Variants in CLIP3 observed in about 807,000 individuals in gnomAD.
The protein encoded by CLIP3 is CAP-Gly domain-containing linker protein 3.
In CLIP3, 15 loss-of-function variants were observed where a neutral mutation model predicts 59.4. That is an observed-to-expected ratio of 0.25 (90% CI 0.17 to 0.39). The LOEUF (loss-of-function observed/expected upper bound fraction) is 0.39. Ranked by LOEUF, CLIP3 falls within the 10% of genes least tolerant of loss-of-function variation. CLIP3 has a pLI of 1.00. For missense variants in CLIP3, 495 were observed against 765.7 expected (o/e 0.65, Z 4.17); for synonymous variants, 300 against 321.6 (o/e 0.93, Z 0.72).
chr19:36,030,995 CTT>C (rs1263492540), intron 2 of CLIP3, among the ~76,000 whole-genome samples: 3 of 113,342 alleles, frequency 2.6e-5, no homozygotes, highest in Non-Finnish European at 5.7e-5. Context: ...TTTCTTTTTT[CTT>C]TTTTTCTTTT....
intron 7 of CLIP3, among the ~76,000 whole-genome samples, chr19:36,020,979 G>A (rs893412628): frequency 2.6e-5 from 4 of 151,814 alleles, no homozygotes; most frequent in South Asian, 2.1e-4. Flanking sequence ...TCAGTCTCCC[G>A]AGTAGCTGGG....
At chr19:36,029,421 G>A (rs967323474) in intron 2 of CLIP3, among the ~76,000 whole-genome samples, 3 of 151,374 alleles carry the variant, frequency 2.0e-5, no homozygotes, top group Non-Finnish European at 4.4e-5. Flanking sequence ...CTGGTAGCTA[G>A]GACTACAGTA....
Position 36,015,871 on chromosome 19 carries a change from G to A in CLIP3, c.*287C>T, listed in dbSNP as rs186051220. On this transcript the variant is annotated 3_prime_UTR_variant, in exon 14 of 14. Coordinates refer to ENST00000360535, the MANE Select transcript of CLIP3 (RefSeq NM_015526.3). ...GGAGAGGGTCACCATCATTTGGGGT[G>A]ATATGGAAATCTGTTAATCTGGGAA... The A allele has an allele frequency of 7.5e-5, 38 of 508,156 alleles. No individual in the cohort carries two copies. The Admixed American group carries it at 1.2e-3, about 16-fold the overall frequency. The allele number at this position is 508,156 out of a possible 1,614,324, so 31.5% of individuals were successfully genotyped here. A position where few individuals can be genotyped will look rare whatever the true frequency, so the allele number is the denominator to read the frequency against.
At chr19:36,017,819 G>GCCTCCCGGCCCAGAGTCCCCAT in intron 10 of CLIP3, 29 bp downstream of exon 10, 1 of 1,614,146 alleles carries the variant, frequency 6.2e-7, no homozygotes, top group Non-Finnish European at 8.5e-7. Flanking sequence ...GGCCCTGCCT[G>GCCTCCCGGCCCAGAGTCCCCAT]CCTCCCGGCC....
intron 7 of CLIP3, among the ~76,000 whole-genome samples, chr19:36,021,890 T>TG (rs1209005310): frequency 1.3e-5 from 2 of 152,142 alleles, no homozygotes; most frequent in Non-Finnish European, 2.9e-5. Flanking sequence ...TTATTTATTT[T>TG]TTTTTGGAGA....
chr19:36,027,082 C>T (rs1330538689), intron 3 of CLIP3, 37 bp from the exon 4 acceptor site: 1 of 1,596,922 alleles, frequency 6.3e-7, no homozygotes, highest in African/African-American at 1.4e-5. Context: ...GTCACCCACA[C>T]ATGTGGGGAA....
At position 36,032,449 on chromosome 19, in the gene CLIP3, G is replaced by T. The variant is rs117241055; in HGVS notation, c.-58-34C>A. The T allele has an allele frequency of 2.8e-4, 159 of 563,616 alleles. No homozygotes were observed. Among genetic ancestry groups the T allele is most frequent in the Middle Eastern group, 1.5e-3 (3 of 1,996 alleles). The allele number at this position is 563,616 out of a possible 1,614,324, so 34.9% of individuals were successfully genotyped here. On this transcript the variant is annotated intron_variant, in intron 1 of 13. Transcript: ENST00000360535. This position sits in a 1 kb window ranked among gnomAD's most constrained non-coding sequence, Gnocchi z 4.3. ...AGAGGTCAGCTGGAGAGGGTGCCCG[G>T]CAGGCTCCAGGGTCCAAGCCCCTAG...
At chr19:36,029,451 A>T (rs1220184211) in intron 2 of CLIP3, among the ~76,000 whole-genome samples, 1 of 142,522 alleles carries the variant, frequency 7.0e-6, no homozygotes, top group Admixed American at 7.0e-5. Flanking sequence ...ATGCCCAGCA[A>T]TTTTTTTTTT....
intron 9 of CLIP3, among the ~76,000 whole-genome samples, chr19:36,018,546 C>T (rs569006540): frequency 4.7e-5 from 7 of 148,608 alleles, no homozygotes; most frequent in East Asian, 3.9e-4. Context: ...CGTGCCACCA[C>T]GCTCCAGCCT....
intron 12 of CLIP3, 139 bp downstream of exon 12, chr19:36,017,247 A>G: frequency 1.1e-6 from 1 of 899,488 alleles, no homozygotes; most frequent in South Asian, 1.5e-5. Context: ...CTTTTTGTGG[A>G]CCTTGTCTCA....
chr19:36,024,982 C>G (rs1969059359), intron 6 of CLIP3, among the ~76,000 whole-genome samples: 1 of 151,078 alleles, frequency 6.6e-6, no homozygotes, highest in Non-Finnish European at 1.5e-5. Flanking sequence ...AGGAGAATCG[C>G]TTGAATCCGG....
In CLIP3 at chr19:36,019,038, G is replaced by A. The variant is rs779615363; in HGVS notation, c.1055-12C>T. The A allele has an allele frequency of 3.8e-6, 6 of 1,583,152 alleles. No individual in the cohort carries two copies. Among genetic ancestry groups the A allele is most frequent in the South Asian group, 2.3e-5 (2 of 85,280 alleles). On this transcript the variant is annotated splice_polypyrimidine_tract_variant and intron_variant, in intron 8 of 13. Transcript: ENST00000360535. Reference sequence around the variant, plus strand: ...GGAGGCAAAGAGACCTAGGGGTACAGAATCCGAGCCTGGTGTTGTCCAAGC... The same window carrying A: ...GGAGGCAAAGAGACCTAGGGGTACAAAATCCGAGCCTGGTGTTGTCCAAGC...
chr19:36,027,599 T>C (rs1969146895), intron 2 of CLIP3, among the ~76,000 whole-genome samples: 1 of 152,218 alleles, frequency 6.6e-6, no homozygotes, highest in Non-Finnish European at 1.5e-5. Context: ...CCAGGGGGAC[T>C]GCTACTGACC....
chr19:36,028,230 C>T (rs1222031533), intron 2 of CLIP3, among the ~76,000 whole-genome samples: 2 of 149,896 alleles, frequency 1.3e-5, no homozygotes, highest in South Asian at 2.1e-4. Flanking sequence ...CCCAGCTGCT[C>T]GGGAGGCTGA....
rs1225823496 is a variant in CLIP3 at position 36,026,535 on chromosome 19, C to T, written c.562+51G>A. The T allele has an allele frequency of 2.5e-6, 4 of 1,603,008 alleles. No homozygotes were observed. Among genetic ancestry groups the T allele is most frequent in the Non-Finnish European group, 2.6e-6 (3 of 1,173,362 alleles). ...CAGCCTGGCCTCACCTGGGTCTCCG[C>T]GTCCCTCACCCAGGTCCTTGCCCCC... On this transcript the variant is annotated intron_variant, in intron 5 of 13. Coordinates refer to ENST00000360535, the MANE Select transcript of CLIP3 (RefSeq NM_015526.3). The surrounding 1 kb of genome is among the most constrained non-coding windows in gnomAD (Gnocchi z 6.3).
At chr19:36,020,166 C>T (rs994474485) in intron 7 of CLIP3, among the ~76,000 whole-genome samples, 5 of 151,914 alleles carry the variant, frequency 3.3e-5, no homozygotes, top group East Asian at 2.0e-4. Context: ...GTGGGAGGAT[C>T]GCTTGAGCCC....
intron 7 of CLIP3, among the ~76,000 whole-genome samples, chr19:36,022,785 G>A (rs935111524): frequency 1.3e-5 from 2 of 152,162 alleles, no homozygotes; most frequent in African/African-American, 2.4e-5. Flanking sequence ...GCCAGGCGCG[G>A]TGGCTCACGC....
chr19:36,032,393 TGG>T lies in CLIP3; in HGVS notation c.-38_-37del. On this transcript the variant is annotated 5_prime_UTR_variant, in exon 2 of 14. Coordinates refer to ENST00000360535, the MANE Select transcript of CLIP3 (RefSeq NM_015526.3). The surrounding 1 kb of genome is among the most constrained non-coding windows in gnomAD (Gnocchi z 4.3). The stretch of plus-strand genomic sequence containing the variant: ...GGCCCTCGGGGGGCGGGTGCAGAGT[TGG>T]GGGCAGCCTTCAGGCAAATCCTGGA... 1 of 1,137,108 alleles carries T rather than the reference TGG, an allele frequency of 8.8e-7. No individual in the cohort carries two copies. Among genetic ancestry groups the T allele is most frequent in the Non-Finnish European group, 1.1e-6 (1 of 888,634 alleles). The allele number at this position is 1,137,108 out of a possible 1,614,324, so 70.4% of individuals were successfully genotyped here. A position where few individuals can be genotyped will look rare whatever the true frequency, so the allele number is the denominator to read the frequency against.
Position 36,032,737 on chromosome 19 carries a change from C to T in CLIP3, c.-72G>A. ...TCCCCATCTTACCTCGGGCAGACAG[C>T]GCTGGGGACCAAAGTGGAGACTGGG... On this transcript the variant is annotated 5_prime_UTR_variant, in exon 1 of 14. Transcript: ENST00000360535. The surrounding 1 kb of genome is among the most constrained non-coding windows in gnomAD (Gnocchi z 4.3). The T allele has an allele frequency of 6.1e-6, 1 of 164,960 alleles. No homozygotes were observed. The highest frequency in any genetic ancestry group is 1.3e-5 in the Non-Finnish European group (1 of 76,808). 10.2% of individuals were successfully genotyped at this position (164,960 alleles called of 1,614,324 possible).
Sources: allele counts gnomAD v4.1 joint callset (sites outside exome capture counted in the v4.1 genomes callset), GRCh38; gene constraint gnomAD v4.1.1; non-coding constraint Gnocchi (gnomAD v3.1); transcripts MANE v1.5; gene names NCBI Gene and HGNC (gene_info 2026-07-23, HGNC 2026-07-21).